Variants in CD109 observed in about 807,000 individuals in gnomAD.
CD109 encodes CD109 antigen.
A neutral mutation model predicts 165.8 loss-of-function variants in CD109; 149 were observed. The ratio of observed to expected loss-of-function variants is 0.90; its 90% CI spans 0.79 to 1.03. The LOEUF is 1.03. Ranked by LOEUF, CD109 falls within the 50% of genes least tolerant of loss-of-function variation. CD109 has a pLI of 0.00. For synonymous variants in CD109, 585 were observed against 592.1 expected, an observed-to-expected ratio of 0.99 and a Z score of 0.18; for missense variants, 1,712 against 1,677.8, an observed-to-expected ratio of 1.02 and a Z score of -0.36.
intron 2 of CD109, among the ~76,000 whole-genome samples, chr6:73,703,273 A>G (rs369916787): frequency 1.6e-4 from 24 of 152,364 alleles, no homozygotes; most frequent in African/African-American, 5.5e-4. Flanking sequence ...CTTCCACTAA[A>G]ATCATTTTCA....
chr6:73,726,751 G>A (rs770143963), intron 3 of CD109, among the ~76,000 whole-genome samples: 1 of 152,058 alleles, frequency 6.6e-6, no homozygotes, highest in African/African-American at 2.4e-5. Context: ...CGAAATAGAT[G>A]TGCCTAAGTG....
Position 73,811,116 on chromosome 6 carries a change from C to A in CD109, c.3671C>A (p.Thr1224Lys), listed in dbSNP as rs1775743073. Reference sequence around the variant, plus strand: ...AGTCCTGTAAAGTTTCTGATTGACACACACAACCGCTTACTCCTTCAGACA... The same window carrying A: ...AGTCCTGTAAAGTTTCTGATTGACAAACACAACCGCTTACTCCTTCAGACA... ...SPSPVKFLID[T>K]HNRLLLQTAE... The change falls in exon 28 of 33, where the codon ACA becomes AAA. Residue 1224 changes from threonine (T) to lysine (K), a missense_variant. Thr to Lys is a moderately conservative substitution (Grantham distance 78). Transcript: ENST00000287097. 1 of 1,613,124 alleles carries A rather than the reference C, an allele frequency of 6.2e-7. No individual in the cohort carries two copies. The highest frequency in any genetic ancestry group is 1.1e-5 in the South Asian group (1 of 91,034).
At chr6:73,748,470 A>G (rs1773064246) in intron 5 of CD109, among the ~76,000 whole-genome samples, 1 of 152,214 alleles carries the variant, frequency 6.6e-6, no homozygotes, top group African/African-American at 2.4e-5. Flanking sequence ...CACAGCTTTT[A>G]TCATAATTTG....
intron 23 of CD109, among the ~76,000 whole-genome samples, chr6:73,796,708 T>G (rs1775178105): frequency 2.0e-5 from 3 of 152,150 alleles, no homozygotes; most frequent in African/African-American, 7.2e-5. Context: ...ATGTGGATAT[T>G]GGGTCCAGAA....
intron 2 of CD109, among the ~76,000 whole-genome samples, chr6:73,720,519 G>C (rs776768106): frequency 4.6e-5 from 7 of 152,112 alleles, no homozygotes; most frequent in Admixed American, 6.5e-5. Context: ...CTTTCCACAA[G>C]TAGTTATGTG....
chr6:73,689,625 AT>A, the CD109 span, among the ~76,000 whole-genome samples: 10,280 of 146,334 alleles, frequency 0.07, 521 homozygotes, highest in Admixed American at 0.18. Flanking sequence ...CTGTAGACAC[AT>A]TTTTTTTTTT....
intron 23 of CD109, among the ~76,000 whole-genome samples, chr6:73,794,990 C>A (rs924110393): frequency 3.3e-5 from 5 of 150,782 alleles, no homozygotes; most frequent in Admixed American, 2.0e-4. Context: ...GTGTGCCATG[C>A]TAAACACAAA....
At chr6:73,738,364 G>A (rs1772626221) in intron 5 of CD109, among the ~76,000 whole-genome samples, 1 of 152,206 alleles carries the variant, frequency 6.6e-6, no homozygotes. Context: ...ACAGGTGGCT[G>A]GCAGCCTGTG....
chr6:73,731,273 A>C (rs1460977251), intron 4 of CD109, among the ~76,000 whole-genome samples: 1 of 152,116 alleles, frequency 6.6e-6, no homozygotes, highest in African/African-American at 2.4e-5. Context: ...CTCGTGATCC[A>C]CCCACCTCAG....
intron 2 of CD109, among the ~76,000 whole-genome samples, chr6:73,719,811 A>G (rs750766977): frequency 2.6e-5 from 4 of 152,220 alleles, no homozygotes; most frequent in Non-Finnish European, 5.9e-5. Flanking sequence ...AAATTTGTCC[A>G]GTAAATTGTC....
chr6:73,693,420 C>T (rs573615092), upstream of CD109, among the ~76,000 whole-genome samples: 9 of 152,342 alleles, frequency 5.9e-5, no homozygotes, highest in African/African-American at 1.7e-4. Flanking sequence ...CATGAGGATC[C>T]ACCCACAGAA....
chr6:73,774,997 A>T lies in CD109; in HGVS notation c.1827+3416A>T, dbSNP rs555471399. On this transcript the variant is annotated intron_variant, in intron 15 of 32. Transcript: ENST00000287097. ...GTCAATAGCCTCTTGAATGCCTTGGAATAATTTCAGTATGTGGATCTTCCA... is the reference window on the plus strand; with the variant it reads ...GTCAATAGCCTCTTGAATGCCTTGGTATAATTTCAGTATGTGGATCTTCCA... 2.0e-5 allele frequency among the ~76,000 whole-genome samples: 3 copies of T among 151,300 alleles called. No individual in the cohort carries two copies. In the South Asian group the frequency reaches 6.3e-4, roughly 32 times the overall value.
At chr6:73,702,804 AT>A (rs1771130469) in intron 2 of CD109, among the ~76,000 whole-genome samples, 1 of 152,242 alleles carries the variant, frequency 6.6e-6, no homozygotes, top group African/African-American at 2.4e-5. Context: ...GAGGTAACAT[AT>A]TCAAGGCACT....
At chr6:73,778,466 G>A in intron 15 of CD109, among the ~76,000 whole-genome samples, 1 of 152,144 alleles carries the variant, frequency 6.6e-6, no homozygotes, top group East Asian at 1.9e-4. Flanking sequence ...GTGAGAGAGG[G>A]CATTCTTGTC....
chr6:73,756,515 T>C (rs1191624117), intron 5 of CD109, 128 bp from the exon 6 acceptor site: 3 of 629,800 alleles, frequency 4.8e-6, no homozygotes, highest in Non-Finnish European at 8.1e-6. Flanking sequence ...AACAAGTTTG[T>C]TCATTGCATC....
intron 2 of CD109, among the ~76,000 whole-genome samples, chr6:73,709,219 G>A (rs552458594): frequency 2.6e-5 from 4 of 152,184 alleles, no homozygotes; most frequent in African/African-American, 7.2e-5. Context: ...TTCTACATAT[G>A]GCTAGCCAGT....
chr6:73,770,416 A>G (rs187743429), intron 14 of CD109, among the ~76,000 whole-genome samples: 1 of 152,324 alleles, frequency 6.6e-6, no homozygotes, highest in East Asian at 1.9e-4. Context: ...TCATTGGCAC[A>G]GCAGAATGTT....
At chr6:73,717,911 G>A (rs1423766116) in intron 2 of CD109, among the ~76,000 whole-genome samples, 2 of 151,504 alleles carry the variant, frequency 1.3e-5, no homozygotes, top group Non-Finnish European at 2.9e-5. Flanking sequence ...GAGCCACCGC[G>A]CCTGGCTTCT....
intron 14 of CD109, among the ~76,000 whole-genome samples, chr6:73,769,859 A>C (rs968412863): frequency 8.5e-5 from 13 of 152,212 alleles, no homozygotes; most frequent in African/African-American, 3.1e-4. Context: ...AGTAACCTAC[A>C]TACAGTGGTT....
Sources: allele counts gnomAD v4.1 joint callset (sites outside exome capture counted in the v4.1 genomes callset), GRCh38; gene constraint gnomAD v4.1.1; transcripts MANE v1.5; gene names NCBI Gene and HGNC (gene_info 2026-07-23, HGNC 2026-07-21).